The following CFAP43 variants were observed in gnomAD, a reference collection of about 807,000 sequenced individuals.
The protein encoded by CFAP43 is cilia and flagella associated protein 43, also known as cilia- and flagella-associated protein 43.
In CFAP43, 155 loss-of-function variants were observed where a neutral mutation model predicts 218.9. The observed-to-expected ratio is 0.71, with a 90% confidence interval of 0.62 to 0.81. The LOEUF is 0.81. CFAP43 is among the 30% of genes least tolerant of loss of function. The pLI, the probability that CFAP43 is intolerant of heterozygous loss-of-function variation, is 0.00. For missense variants in CFAP43, 1,778 were observed against 1,954.3 expected (o/e 0.91, Z 1.70); for synonymous variants, 645 against 681.3 (o/e 0.95, Z 0.83).
chr10:104,146,180 T>C (rs907537301), intron 30 of CFAP43, 83 bp downstream of exon 30: 2 of 1,065,130 alleles, frequency 1.9e-6, no homozygotes, highest in Non-Finnish European at 2.8e-6. Context: ...GAGAAAATTA[T>C]ATTATATCCC....
chr10:104,211,871 T>C (rs911598300), intron 5 of CFAP43, 136 bp downstream of exon 5: 1 of 977,166 alleles, frequency 1.0e-6, no homozygotes, highest in Non-Finnish European at 1.4e-6. Flanking sequence ...ACAGTCTCTG[T>C]GGCTAATCTA....
In CFAP43 at chr10:104,179,179, G is replaced by T; in HGVS notation, c.2383-73C>A. The T allele has an allele frequency of 4.3e-6, 5 of 1,167,400 alleles. No individual in the cohort carries two copies. In the South Asian group the frequency reaches 4.7e-5, roughly 11 times the overall value. The allele number at this position is 1,167,400 out of a possible 1,614,324, so 72.3% of individuals were successfully genotyped here. On this transcript the variant is annotated intron_variant, in intron 18 of 37. Coordinates refer to ENST00000357060, the MANE Select transcript of CFAP43 (RefSeq NM_025145.7). ...ACAGAGAGAGAGAGAGAGAGAGAGA[G>T]AGCAATTCTCTAGAAACAGAAACTA...
chr10:104,163,103 G>A (rs2088962565), intron 24 of CFAP43, among the ~76,000 whole-genome samples: 1 of 152,170 alleles, frequency 6.6e-6, no homozygotes, highest in Admixed American at 6.5e-5. Flanking sequence ...GCTTAAACAA[G>A]TACAGCAGAG....
chr10:104,214,044 T>C (rs143007034), intron 4 of CFAP43, among the ~76,000 whole-genome samples: 1 of 152,308 alleles, frequency 6.6e-6, no homozygotes, highest in East Asian at 1.9e-4. Flanking sequence ...AAACAAGTCA[T>C]AGAGAATTCT....
chr10:104,198,234 G>T (rs1437993753), intron 8 of CFAP43, among the ~76,000 whole-genome samples, 196 bp from the exon 9 acceptor site: 9 of 152,138 alleles, frequency 5.9e-5, no homozygotes, highest in African/African-American at 1.9e-4. Context: ...TTTATTGATT[G>T]ATCGGTTGAT....
At chr10:104,173,308 C>T (rs2089484711) in intron 19 of CFAP43, among the ~76,000 whole-genome samples, 1 of 152,102 alleles carries the variant, frequency 6.6e-6, no homozygotes, top group African/African-American at 2.4e-5. Flanking sequence ...GGAATAGAAT[C>T]CTTCAGGAGC....
chr10:104,210,934 G>A (rs1196302874), intron 5 of CFAP43, among the ~76,000 whole-genome samples: 1 of 151,884 alleles, frequency 6.6e-6, no homozygotes, highest in African/African-American at 2.4e-5. Context: ...GGGATTACAG[G>A]CGTCCGCCAC....
At chr10:104,156,818 A>G (rs935923046) in intron 27 of CFAP43, among the ~76,000 whole-genome samples, 6 of 152,202 alleles carry the variant, frequency 3.9e-5, no homozygotes, top group African/African-American at 1.4e-4. Context: ...TAGAGACAGC[A>G]GCTCGAAACC....
intron 8 of CFAP43, chr10:104,203,393 G>C (rs2090589037): frequency 5.2e-6 from 2 of 384,458 alleles, no homozygotes; most frequent in Non-Finnish European, 9.2e-6. Flanking sequence ...CAGCAGAGAG[G>C]AAACAGAGCC....
intron 27 of CFAP43, among the ~76,000 whole-genome samples, chr10:104,156,906 C>T (rs533721431): frequency 9.0e-4 from 137 of 152,104 alleles, no homozygotes; most frequent in African/African-American, 2.9e-3. Context: ...CTTTCAAGGA[C>T]GCAGGAGAGC....
At chr10:104,131,577 T>A in intron 36 of CFAP43, 93 bp from the exon 37 acceptor site, 1 of 1,332,294 alleles carries the variant, frequency 7.5e-7, no homozygotes, top group Non-Finnish European at 1.0e-6. Flanking sequence ...TTAAATACAT[T>A]ATCATCATTA....
chr10:104,158,023 C>T (rs991337564), intron 27 of CFAP43, among the ~76,000 whole-genome samples: 1 of 151,914 alleles, frequency 6.6e-6, no homozygotes, highest in Non-Finnish European at 1.5e-5. Context: ...GAAGAAGCTC[C>T]GAACACTTTG....
chr10:104,229,244 G>A (rs1244072394), intron 2 of CFAP43, among the ~76,000 whole-genome samples: 2 of 152,316 alleles, frequency 1.3e-5, no homozygotes, highest in African/African-American at 4.8e-5. Flanking sequence ...AGACTACAGA[G>A]CTAAGTCCAG....
At chr10:104,147,816 C>T in intron 29 of CFAP43, 75 bp downstream of exon 29, 2 of 1,004,462 alleles carry the variant, frequency 2.0e-6, no homozygotes, top group Non-Finnish European at 1.5e-6. Flanking sequence ...AGGGTCTAGA[C>T]ACGTGAGCTC....
At chr10:104,204,977 G>C (rs1215367021) in intron 7 of CFAP43, among the ~76,000 whole-genome samples, 2 of 152,134 alleles carry the variant, frequency 1.3e-5, no homozygotes, top group Admixed American at 1.3e-4. Context: ...CATTTTGGGA[G>C]GCCCAGGCGG....
At chr10:104,159,301 A>C (rs758895572) in intron 27 of CFAP43, among the ~76,000 whole-genome samples, 15 of 152,138 alleles carry the variant, frequency 9.9e-5, no homozygotes, top group Non-Finnish European at 2.9e-5. Context: ...TTTTCCTTTT[A>C]CTTTTTGTTT....
At chr10:104,134,063 C>A (rs2087325513) in intron 34 of CFAP43, among the ~76,000 whole-genome samples, 1 of 152,112 alleles carries the variant, frequency 6.6e-6, no homozygotes, top group South Asian at 2.1e-4. Context: ...TGCCATCACC[C>A]AATCTACCAA....
intron 16 of CFAP43, among the ~76,000 whole-genome samples, chr10:104,183,383 G>GTT (rs34324833): frequency 1.2e-4 from 16 of 130,762 alleles, no homozygotes; most frequent in African/African-American, 1.2e-4. Flanking sequence ...CTAGACCATC[G>GTT]TTTTTTTTTT....
chr10:104,147,409 T>C (rs998262976), intron 29 of CFAP43, among the ~76,000 whole-genome samples: 6 of 152,136 alleles, frequency 3.9e-5, no homozygotes, highest in African/African-American at 1.4e-4. Flanking sequence ...GTCTTTTTAA[T>C]GAACCATATC....
Sources: allele counts gnomAD v4.1 joint callset (sites outside exome capture counted in the v4.1 genomes callset), GRCh38; gene constraint gnomAD v4.1.1; transcripts MANE v1.5; gene names NCBI Gene and HGNC (gene_info 2026-07-23, HGNC 2026-07-21).